The following LRRN2 variants were observed in gnomAD, a reference collection of about 807,000 sequenced individuals.
The protein encoded by LRRN2 is leucine rich repeat neuronal 2.
A neutral mutation model predicts 35.7 loss-of-function variants in LRRN2; 10 were observed. That is an observed-to-expected ratio of 0.28 (90% CI 0.17 to 0.47). The LOEUF (loss-of-function observed/expected upper bound fraction) is 0.47, where lower values mean the gene tolerates loss of function less well. LRRN2 is among the 20% of genes least tolerant of loss of function. The probability of loss-of-function intolerance (pLI) is 0.99; values close to 1 mark genes in which losing one functional copy is unlikely to be tolerated. For missense variants in LRRN2, 731 were observed against 940.3 expected (o/e 0.78, Z 2.91); for synonymous variants, 391 against 409.6 (o/e 0.95, Z 0.55).
In LRRN2 at chr1:204,618,144, C is replaced by T. The variant is rs1420066128; in HGVS notation, c.1849G>A (p.Glu617Lys). The T allele has an allele frequency of 6.2e-7, 1 of 1,614,140 alleles. No individual in the cohort carries two copies. Among genetic ancestry groups the T allele is most frequent in the African/African-American group, 1.3e-5 (1 of 75,074 alleles). ...AAGGCTCTGTGGCAAGAAGTGGCCT[C>T]TTTGGTCCTGGCCCATACACAAGCC... ...QLACVWARTK[E>K]ATSCHRALGD... Residue 617 changes from glutamate to lysine, a missense_variant, in exon 2 of 2, where the codon GAG becomes AAG. Physicochemically the swap from Glu to Lys is moderately conservative, Grantham distance 56 (BLOSUM62 1). Coordinates refer to ENST00000367177, the MANE Select transcript of LRRN2 (RefSeq NM_201630.2).
intron 1 of LRRN2, among the ~76,000 whole-genome samples, chr1:204,659,426 G>C (rs1668423388): frequency 6.6e-6 from 1 of 152,174 alleles, no homozygotes; most frequent in African/African-American, 2.4e-5. Context: ...ATGGAGCCCG[G>C]CCTGAAGTGC....
At chr1:204,678,945 G>T (rs1242211155) in intron 1 of LRRN2, among the ~76,000 whole-genome samples, 2 of 152,156 alleles carry the variant, frequency 1.3e-5, no homozygotes, top group Non-Finnish European at 2.9e-5. Flanking sequence ...GGTCTGTCTG[G>T]TCATTCACTG....
At chr1:204,631,109 C>T (rs889023620) in intron 1 of LRRN2, among the ~76,000 whole-genome samples, 1 of 101,598 alleles carries the variant, frequency 9.8e-6, no homozygotes, top group Non-Finnish European at 2.5e-5. Flanking sequence ...AGGGTGGGCC[C>T]TAGTCTAGTC....
intron 1 of LRRN2, among the ~76,000 whole-genome samples, chr1:204,642,812 G>A (rs1668012824): frequency 6.6e-6 from 1 of 152,206 alleles, no homozygotes; most frequent in East Asian, 1.9e-4. Flanking sequence ...ACCTGCAGAG[G>A]TAGCTGAGGG....
rs145020650 is a variant in LRRN2, at chr1:204,662,782, T to C, written c.-227+22538A>G. Among the ~76,000 whole-genome samples the C allele has an allele frequency of 1.4e-4, 22 of 152,346 alleles. No individual in the cohort carries two copies. In the East Asian group the frequency reaches 4.3e-3, roughly 29 times the overall value. ...AGTAACTTTGCCACAATATCTTATC[T>C]GGACACTTGAAAACATACTCCAGCC... On this transcript the variant is annotated intron_variant, in intron 1 of 1. Coordinates refer to ENST00000367177, the MANE Select transcript of LRRN2 (RefSeq NM_201630.2).
rs1666431869 is a variant in LRRN2 at position 204,617,597 on chromosome 1, G to A, written c.*254C>T. On this transcript the variant is annotated 3_prime_UTR_variant, in exon 2 of 2. Coordinates refer to ENST00000367177, the MANE Select transcript of LRRN2 (RefSeq NM_201630.2). ...GAAGATGGGGAGGCAGGAGGCTCTAGCCAAAGTCCCTCCTGTTCCTTGGAG... is the reference window on the plus strand; with the variant it reads ...GAAGATGGGGAGGCAGGAGGCTCTAACCAAAGTCCCTCCTGTTCCTTGGAG... The A allele has an allele frequency of 2.0e-6, 1 of 501,666 alleles. No individual in the cohort carries two copies. Among genetic ancestry groups the A allele is most frequent in the Non-Finnish European group, 3.6e-6 (1 of 279,984 alleles). The allele number at this position is 501,666 out of a possible 1,614,324, so 31.1% of individuals were successfully genotyped here.
At position 204,638,402 on chromosome 1, in the gene LRRN2, CTTTTTTTTTTTTTTTTTTT is replaced by C. The variant is rs971289134; in HGVS notation, c.-226-18203_-226-18185del. Among the ~76,000 whole-genome samples, 3 of 71,688 alleles carry C rather than the reference CTTTTTTTTTTTTTTTTTTT, an allele frequency of 4.2e-5. 1 individual carries two copies. Among genetic ancestry groups the C allele is most frequent in the Non-Finnish European group, 7.2e-5 (3 of 41,512 alleles). The allele number at this position is 71,688 out of a possible 152,430, so 47.0% of individuals were successfully genotyped here. On this transcript the variant is annotated intron_variant, in intron 1 of 1. Coordinates refer to ENST00000367177, the MANE Select transcript of LRRN2 (RefSeq NM_201630.2). ...GTGAAGTAACTTGCCCAAGGTCTTC[CTTTTTTTTTTTTTTTTTTT>C]TTTTTTTTGAGACGGAGTCTCGCTC... is the stretch of plus-strand genomic sequence containing the variant.
chr1:204,664,479 C>G (rs565029216), intron 1 of LRRN2: 1 of 152,228 alleles, frequency 6.6e-6, no homozygotes, highest in Non-Finnish European at 1.5e-5. Context: ...CTGCGCAGCT[C>G]GTTCATTCTC....
At chr1:204,626,704 G>C (rs1667398482) in intron 1 of LRRN2, 1 of 152,132 alleles carries the variant, frequency 6.6e-6, no homozygotes, top group South Asian at 2.1e-4. Flanking sequence ...TGTGTCCCTA[G>C]AGCCTAGTAC....
At chr1:204,677,929 G>A (rs1558424630) in intron 1 of LRRN2, among the ~76,000 whole-genome samples, 1 of 151,966 alleles carries the variant, frequency 6.6e-6, no homozygotes, top group Non-Finnish European at 1.5e-5. Flanking sequence ...GTTGCCACGT[G>A]GGCTGCCTTA....
chr1:204,622,897 A>G (rs901960001), intron 1 of LRRN2, among the ~76,000 whole-genome samples: 1 of 152,232 alleles, frequency 6.6e-6, no homozygotes, highest in African/African-American at 2.4e-5. Context: ...TCTGTATTAC[A>G]TGAGATTGTC....
At chr1:204,650,025 GC>G (rs1344691137) in intron 1 of LRRN2, among the ~76,000 whole-genome samples, 1 of 152,212 alleles carries the variant, frequency 6.6e-6, no homozygotes, top group Non-Finnish European at 1.5e-5. Context: ...TCCCCTGTGG[GC>G]TGAGCCGGAG....
chr1:204,664,762 A>G (rs1357356730), intron 1 of LRRN2: 4 of 152,150 alleles, frequency 2.6e-5, no homozygotes, highest in Non-Finnish European at 5.9e-5. Context: ...CTGCCACGCT[A>G]CCAACTTCCT....
rs1165025532 is a variant in LRRN2, at chr1:204,678,896, C to A, written c.-227+6424G>T. Among the ~76,000 whole-genome samples, 3 of 152,312 alleles carry A rather than the reference C, an allele frequency of 2.0e-5. No individual in the cohort carries two copies. The East Asian group carries it at 5.8e-4, about 29-fold the overall frequency. ...TTTCCTTTATGAGTCTATTTTACTG[C>A]ATCCCCAGACAATAAACTAAAAGCT... On this transcript the variant is annotated intron_variant, in intron 1 of 1. Coordinates refer to ENST00000367177, the MANE Select transcript of LRRN2 (RefSeq NM_201630.2).
chr1:204,638,480 C>T (rs572422867), intron 1 of LRRN2, among the ~76,000 whole-genome samples: 3 of 129,594 alleles, frequency 2.3e-5, no homozygotes, highest in African/African-American at 3.0e-5. Flanking sequence ...GGTGCGATCT[C>T]GGTTCACTGC....
Position 204,619,636 on chromosome 1 carries a change from C to A in LRRN2, c.357G>T (p.Leu119=), listed in dbSNP as rs1193269068. Residue 119 remains leucine (L), a synonymous_variant, in exon 2 of 2, where the codon CTG becomes CTT. Coordinates refer to ENST00000367177, the MANE Select transcript of LRRN2 (RefSeq NM_201630.2). ...GGTTCTCCTCTAGGTGCAGGCTCAGCAGCTGGGGCAGGGCATGGAAATCAC... is the reference window on the plus strand; with the variant it reads ...GGTTCTCCTCTAGGTGCAGGCTCAGAAGCTGGGGCAGGGCATGGAAATCAC... ...RDCDFHALPQ[L]LSLHLEENQL... is the part of the protein sequence containing the mutation. The A allele has an allele frequency of 1.2e-6, 2 of 1,614,198 alleles. No individual in the cohort carries two copies. The highest frequency in any genetic ancestry group is 1.7e-6 in the Non-Finnish European group (2 of 1,180,044).
chr1:204,659,933 C>T (rs1668436417), intron 1 of LRRN2, among the ~76,000 whole-genome samples: 1 of 152,200 alleles, frequency 6.6e-6, no homozygotes, highest in Admixed American at 6.5e-5. Flanking sequence ...ATTGACCCCT[C>T]TTTACATAAT....
intron 1 of LRRN2, among the ~76,000 whole-genome samples, chr1:204,657,366 A>ACG (rs1553349104): frequency 4.6e-5 from 7 of 151,754 alleles, no homozygotes; most frequent in Non-Finnish European, 8.8e-5. Context: ...ACACACACAC[A>ACG]CGCATATATA....
chr1:204,667,927 G>A (rs764863508), intron 1 of LRRN2, among the ~76,000 whole-genome samples: 2 of 152,286 alleles, frequency 1.3e-5, no homozygotes, highest in Admixed American at 6.5e-5. Flanking sequence ...GGGTGTGCAT[G>A]TCTCAAGAGC....
Sources: gnomAD v4.1 joint callset for allele counts (sites outside exome capture counted in the v4.1 genomes callset) on GRCh38, gnomAD v4.1.1 for gene constraint, MANE v1.5 for transcripts, NCBI Gene and HGNC (gene_info 2026-07-23, HGNC 2026-07-21) for gene names.